The following TRAK1 variants were observed in gnomAD, a reference collection of about 807,000 sequenced individuals.
The protein encoded by TRAK1 is trafficking kinesin-binding protein 1.
Under a neutral mutation model 92.1 loss-of-function variants are expected in TRAK1, and 33 were observed. The observed-to-expected ratio is 0.36, with a 90% confidence interval of 0.27 to 0.48. The LOEUF is 0.48. Ranked by LOEUF, TRAK1 falls within the 20% of genes least tolerant of loss-of-function variation. The probability of loss-of-function intolerance (pLI) is 0.99; values close to 1 mark genes in which losing one functional copy is unlikely to be tolerated. For missense variants in TRAK1, 1,123 were observed against 1,257.9 expected (o/e 0.89, Z 1.62); for synonymous variants, 521 against 517.3 (o/e 1.01, Z -0.10).
At chr3:42,175,388 C>T (rs1417718275) in intron 2 of TRAK1, among the ~76,000 whole-genome samples, 1 of 152,156 alleles carries the variant, frequency 6.6e-6, no homozygotes, top group Admixed American at 6.5e-5. Flanking sequence ...TTGAGCTGGA[C>T]TTCATCTACA....
chr3:42,203,787 C>T, intron 13 of TRAK1: 1 of 917,466 alleles, frequency 1.1e-6, no homozygotes, highest in Non-Finnish European at 1.3e-6. Context: ...CATTTTAATA[C>T]CACATATATA....
At chr3:42,200,312 A>C (rs1707345719) in intron 11 of TRAK1, among the ~76,000 whole-genome samples, 1 of 152,216 alleles carries the variant, frequency 6.6e-6, no homozygotes. Flanking sequence ...AAATTAGACA[A>C]ATCTAGTATT....
At chr3:42,186,996 A>G (rs934018675) in intron 4 of TRAK1, among the ~76,000 whole-genome samples, 3 of 152,234 alleles carry the variant, frequency 2.0e-5, no homozygotes, top group South Asian at 2.1e-4. Flanking sequence ...CTGGTTCCCT[A>G]TTCTTCAGTA....
At chr3:42,139,838 C>A (rs1698434689) in intron 2 of TRAK1, among the ~76,000 whole-genome samples, 1 of 152,146 alleles carries the variant, frequency 6.6e-6, no homozygotes, top group South Asian at 2.1e-4. Flanking sequence ...CGTGATGGGC[C>A]CAGGCTACTG....
At chr3:42,183,759 A>G (rs956832127) in intron 3 of TRAK1, among the ~76,000 whole-genome samples, 1 of 152,054 alleles carries the variant, frequency 6.6e-6, no homozygotes, top group African/African-American at 2.4e-5. Flanking sequence ...ATTAGCATAG[A>G]CTTCTAAAAT....
chr3:42,068,276 A>G (rs1447154462), intron 1 of TRAK1, among the ~76,000 whole-genome samples: 1 of 152,118 alleles, frequency 6.6e-6, no homozygotes, highest in East Asian at 1.9e-4. Context: ...CTTCTACTTT[A>G]GCCTTTCAAG....
chr3:42,114,151 A>G (rs1216823887), intron 1 of TRAK1, among the ~76,000 whole-genome samples: 2 of 152,186 alleles, frequency 1.3e-5, no homozygotes, highest in East Asian at 1.9e-4. Flanking sequence ...GTTGCAGCGT[A>G]TATCAGTACT....
intron 6 of TRAK1, 93 bp downstream of exon 6, chr3:42,189,217 C>T: frequency 1.1e-6 from 1 of 899,154 alleles, no homozygotes; most frequent in East Asian, 2.5e-5. Context: ...GTGCCCTCCT[C>T]AAAGCTGGCA....
intron 3 of TRAK1, among the ~76,000 whole-genome samples, chr3:42,182,411 G>A (rs1360896987): frequency 6.6e-6 from 1 of 151,734 alleles, no homozygotes; most frequent in African/African-American, 2.4e-5. Flanking sequence ...TCCTGCCTCA[G>A]CCTCCCGAGT....
At chr3:42,080,685 C>T (rs910871147) in intron 1 of TRAK1, among the ~76,000 whole-genome samples, 1 of 151,816 alleles carries the variant, frequency 6.6e-6, no homozygotes, top group Non-Finnish European at 1.5e-5. Flanking sequence ...TGAAGTTAGG[C>T]TGGCACCTTG....
At chr3:42,218,917 G>A in intron 14 of TRAK1, 3 of 985,342 alleles carry the variant, frequency 3.0e-6, no homozygotes, top group Non-Finnish European at 3.6e-6. Flanking sequence ...TGTTGCTGAG[G>A]CAGCTGAAGT....
At chr3:42,064,187 G>A (rs1234960873) in intron 1 of TRAK1, among the ~76,000 whole-genome samples, 6 of 152,142 alleles carry the variant, frequency 3.9e-5, no homozygotes, top group South Asian at 2.1e-4. Flanking sequence ...GCAGCCAGGC[G>A]GGCGCTGTGG....
At chr3:42,189,147 G>A (rs1175206540) in intron 6 of TRAK1, 23 bp downstream of exon 6, 1 of 1,565,704 alleles carries the variant, frequency 6.4e-7, no homozygotes, top group South Asian at 1.1e-5. Context: ...CCCTTCTCTT[G>A]CCCCTGCTAG....
chr3:42,110,026 A>G (rs1324103435), intron 1 of TRAK1, among the ~76,000 whole-genome samples: 5 of 141,020 alleles, frequency 3.5e-5, no homozygotes, highest in Non-Finnish European at 7.9e-5. Flanking sequence ...GGTGCAGCAC[A>G]CCAACATGGC....
chr3:42,209,593 A>T (rs1294595548), intron 13 of TRAK1, among the ~76,000 whole-genome samples, 174 bp from the exon 14 acceptor site: 1 of 152,076 alleles, frequency 6.6e-6, no homozygotes, highest in East Asian at 1.9e-4. Context: ...GTTTCATGGC[A>T]GGAAGGGCTA....
chr3:42,035,141 T>G (rs1467441974), intron 1 of TRAK1, among the ~76,000 whole-genome samples: 2 of 152,180 alleles, frequency 1.3e-5, no homozygotes, highest in Non-Finnish European at 2.9e-5. Context: ...CACCTTCTAG[T>G]CCTGGCATTC....
At chr3:42,089,434 T>C (rs1704865762), upstream of TRAK1, among the ~76,000 whole-genome samples, 2 of 152,114 alleles carry the variant, frequency 1.3e-5, 1 homozygote, top group South Asian at 4.1e-4. Context: ...TCCTCCAAAC[T>C]TCCAGTGAGC....
chr3:42,150,559 G>C (rs922685034), intron 2 of TRAK1, among the ~76,000 whole-genome samples: 1 of 152,172 alleles, frequency 6.6e-6, no homozygotes, highest in African/African-American at 2.4e-5. Flanking sequence ...GATAAGGTAA[G>C]TGCTTTTTAA....
chr3:42,144,683 A>AT lies in TRAK1; in HGVS notation c.286+19078dup, dbSNP rs36102788. ...AAATAAGGGATTTGTATCCTTGTAT[A>AT]TTTTTTTTTAACTTTAACAAAATTT... On this transcript the variant is annotated intron_variant, in intron 2 of 15. Transcript: ENST00000327628. Among the ~76,000 whole-genome samples, 832 of 151,620 alleles carry AT rather than the reference A, an allele frequency of 5.5e-3. 15 individuals are homozygous for AT. Among genetic ancestry groups the AT allele is most frequent in the African/African-American group, 0.019 (792 of 41,412 alleles).
Sources: allele counts gnomAD v4.1 joint callset (sites outside exome capture counted in the v4.1 genomes callset), GRCh38; gene constraint gnomAD v4.1.1; transcripts MANE v1.5; gene names NCBI Gene and HGNC (gene_info 2026-07-23, HGNC 2026-07-21).